Variants in TTC23L observed in about 807,000 individuals in gnomAD.
TTC23L encodes tetratricopeptide repeat domain 23 like.
Under a neutral mutation model 48.1 loss-of-function variants are expected in TTC23L, and 42 were observed. The observed-to-expected ratio is 0.87, with a 90% confidence interval of 0.68 to 1.13. The LOEUF is 1.13. Among genes scored for constraint, TTC23L ranks in the 50% most tolerant of loss-of-function variants. TTC23L has a pLI of 0.00. For synonymous variants in TTC23L, 159 were observed against 157.2 expected (o/e 1.01, Z -0.09); for missense variants, 391 against 421.0 (o/e 0.93, Z 0.62).
intron 3 of TTC23L, among the ~76,000 whole-genome samples, chr5:34,845,971 A>AG (rs569611861): frequency 6.6e-6 from 1 of 151,992 alleles, no homozygotes; most frequent in Non-Finnish European, 1.5e-5. Flanking sequence ...CCGAGGCGGG[A>AG]GGATCTCTTG....
At chr5:34,872,989 G>A (rs781674644) in intron 8 of TTC23L, among the ~76,000 whole-genome samples, 12 of 152,078 alleles carry the variant, frequency 7.9e-5, no homozygotes, top group Non-Finnish European at 1.5e-4. Context: ...CTTGAGCCCA[G>A]GAGGCGGAAG....
chr5:34,853,889 G>C (rs1759893814), intron 4 of TTC23L, among the ~76,000 whole-genome samples: 1 of 152,160 alleles, frequency 6.6e-6, no homozygotes, highest in Admixed American at 6.5e-5. Context: ...TTGAGGTGAT[G>C]AACTTGAACT....
the TTC23L span, among the ~76,000 whole-genome samples, chr5:34,910,422 TTTTTC>T: frequency 2.0e-4 from 30 of 151,736 alleles, no homozygotes; most frequent in African/African-American, 4.3e-4. Context: ...CCTGTGATTC[TTTTTC>T]TTTTCTTTTT....
At chr5:34,902,351 G>C (rs1379661497), downstream of TTC23L, 1 of 309,908 alleles carries the variant, frequency 3.2e-6, no homozygotes, top group African/African-American at 2.2e-5. Context: ...GGGAGGTGGA[G>C]GTTGCAGTGA....
chr5:34,903,686 G>A (rs1308344929), downstream of TTC23L, among the ~76,000 whole-genome samples: 1 of 152,102 alleles, frequency 6.6e-6, no homozygotes, highest in East Asian at 1.9e-4. Flanking sequence ...AGCCACATTA[G>A]AAATATAAAG....
At chr5:34,886,080 T>G (rs1425011646) in intron 9 of TTC23L, among the ~76,000 whole-genome samples, 1 of 152,206 alleles carries the variant, frequency 6.6e-6, no homozygotes, top group African/African-American at 2.4e-5. Flanking sequence ...CTCTATGATC[T>G]GGGGCAAGAT....
intron 9 of TTC23L, among the ~76,000 whole-genome samples, chr5:34,890,150 G>A (rs1486204825): frequency 1.3e-5 from 2 of 151,686 alleles, no homozygotes; most frequent in Non-Finnish European, 2.9e-5. Context: ...AGCTCAGAAA[G>A]TTTGGGTATC....
At chr5:34,876,778 TATAG>T (rs1761861828) in intron 8 of TTC23L, among the ~76,000 whole-genome samples, 1 of 150,272 alleles carries the variant, frequency 6.7e-6, no homozygotes, top group South Asian at 2.1e-4. Context: ...AAAAGAAAAC[TATAG>T]ATCAGTGAGA....
chr5:34,914,745 T>C, the TTC23L span: 1 of 1,614,264 alleles, frequency 6.2e-7, no homozygotes, highest in Non-Finnish European at 8.5e-7. Context: ...ACTGTTACTT[T>C]GATACCATTT....
chr5:34,911,874 G>T, the TTC23L span: 32 of 1,535,554 alleles, frequency 2.1e-5, no homozygotes, highest in Non-Finnish European at 2.7e-5. Flanking sequence ...GCTTCTCCTC[G>T]AAATGATACA....
the TTC23L span, chr5:34,923,092 A>G: frequency 3.7e-4 from 576 of 1,577,016 alleles, 11 homozygotes; most frequent in South Asian, 6.1e-3. Flanking sequence ...TATACATGAT[A>G]TATCTTGGAA....
intron 4 of TTC23L, 55 bp downstream of exon 4, chr5:34,850,363 C>T: frequency 6.2e-7 from 1 of 1,608,140 alleles, no homozygotes; most frequent in Non-Finnish European, 8.5e-7. Flanking sequence ...GCTGAACTGA[C>T]CCACACAACC....
chr5:34,871,158 T>C (rs930877929), intron 8 of TTC23L, among the ~76,000 whole-genome samples: 2 of 152,188 alleles, frequency 1.3e-5, no homozygotes, highest in Admixed American at 6.5e-5. Flanking sequence ...TGATTGTCTC[T>C]GTAGAAAATG....
At chr5:34,887,624 G>A (rs571268955) in intron 9 of TTC23L, among the ~76,000 whole-genome samples, 23 of 152,240 alleles carry the variant, frequency 1.5e-4, no homozygotes, top group African/African-American at 4.8e-4. Context: ...TTAATAGTTC[G>A]TGAGGCAGTT....
the TTC23L span, chr5:34,923,126 T>A: frequency 5.6e-6 from 9 of 1,610,240 alleles, no homozygotes; most frequent in African/African-American, 1.3e-5. Context: ...TACACTTTTT[T>A]AACTAGATCT....
intron 1 of TTC23L, 84 bp from the exon 2 acceptor site, chr5:34,840,581 A>T: frequency 8.4e-7 from 1 of 1,186,984 alleles, no homozygotes; most frequent in Non-Finnish European, 1.3e-6. Flanking sequence ...GTTTTAGTTT[A>T]ATGTTAATAG....
At chr5:34,864,823 T>A (rs1760936572) in intron 6 of TTC23L, among the ~76,000 whole-genome samples, 1 of 152,206 alleles carries the variant, frequency 6.6e-6, no homozygotes, top group Non-Finnish European at 1.5e-5. Flanking sequence ...TTAAACAAAT[T>A]GTCCAAGATA....
At chr5:34,859,369 G>A (rs1396469064) in intron 4 of TTC23L, among the ~76,000 whole-genome samples, 1 of 152,166 alleles carries the variant, frequency 6.6e-6, no homozygotes, top group Admixed American at 6.5e-5. Context: ...TAGTGATGCT[G>A]CCTTCTTCCT....
chr5:34,858,457 G>GT (rs1211715873), intron 4 of TTC23L, among the ~76,000 whole-genome samples: 7 of 152,098 alleles, frequency 4.6e-5, no homozygotes, highest in African/African-American at 1.7e-4. Flanking sequence ...AAGCCTTGTG[G>GT]TTTTTTTAAA....
Sources: gnomAD v4.1 joint callset for allele counts (sites outside exome capture counted in the v4.1 genomes callset) on GRCh38, gnomAD v4.1.1 for gene constraint, MANE v1.5 for transcripts, NCBI Gene and HGNC (gene_info 2026-07-23, HGNC 2026-07-21) for gene names.